ATP2C2: variants seen among roughly 807,000 people sequenced by gnomAD.
ATP2C2 encodes calcium-transporting ATPase type 2C member 2.
In ATP2C2, 171 loss-of-function variants were observed where a neutral mutation model predicts 110.8. The ratio of observed to expected loss-of-function variants is 1.54; its 90% CI spans 1.36 to 1.75. The LOEUF (loss-of-function observed/expected upper bound fraction) is 1.75. Ranked by LOEUF, ATP2C2 falls within the 40% of genes most tolerant of loss-of-function variation. The pLI, the probability that ATP2C2 is intolerant of heterozygous loss-of-function variation, is 0.00. For missense variants in ATP2C2, 1,963 were observed against 1,235.0 expected (o/e 1.59, Z -8.84); for synonymous variants, 804 against 508.4 (o/e 1.58, Z -7.82).
intron 1 of ATP2C2, among the ~76,000 whole-genome samples, chr16:84,378,564 T>A (rs1362440996): frequency 1.3e-5 from 2 of 152,088 alleles, no homozygotes; most frequent in African/African-American, 4.8e-5. Flanking sequence ...AAAGAGTAAG[T>A]GAGGGAAGGT....
At chr16:84,435,302 C>T (rs75558670) in intron 11 of ATP2C2, among the ~76,000 whole-genome samples, 3 of 152,058 alleles carry the variant, frequency 2.0e-5, no homozygotes, top group Non-Finnish European at 1.5e-5. Context: ...TGAGCTCTGC[C>T]CAAAATAATG....
intron 20 of ATP2C2, 106 bp from the exon 21 acceptor site, chr16:84,454,712 G>T (rs1243380647): frequency 8.3e-7 from 1 of 1,207,352 alleles, no homozygotes; most frequent in Non-Finnish European, 1.1e-6. Flanking sequence ...CGAATTCCGG[G>T]TGCCCTCCAG....
intron 13 of ATP2C2, among the ~76,000 whole-genome samples, chr16:84,439,966 C>G (rs1209630353): frequency 6.6e-6 from 1 of 152,194 alleles, no homozygotes; most frequent in Non-Finnish European, 1.5e-5. Flanking sequence ...TCCCAAGTAG[C>G]TGGGACTACA....
chr16:84,450,736 G>C (rs1237540424), intron 17 of ATP2C2, among the ~76,000 whole-genome samples: 2 of 152,110 alleles, frequency 1.3e-5, no homozygotes, highest in Non-Finnish European at 2.9e-5. Flanking sequence ...GCTGGGCCTG[G>C]CTTCTGTGCC....
At chr16:84,410,110 G>T (rs564012428) in intron 4 of ATP2C2, among the ~76,000 whole-genome samples, 1 of 152,232 alleles carries the variant, frequency 6.6e-6, no homozygotes, top group East Asian at 1.9e-4. Flanking sequence ...TTGGGAGGCC[G>T]AGGCAGGAGA....
chr16:84,405,531 C>T (rs1360600690), intron 3 of ATP2C2, among the ~76,000 whole-genome samples: 1 of 152,166 alleles, frequency 6.6e-6, no homozygotes, highest in Non-Finnish European at 1.5e-5. Context: ...CCTCCTAATC[C>T]CGCCTTTGCA....
At chr16:84,401,738 C>T (rs147242461) in intron 2 of ATP2C2, among the ~76,000 whole-genome samples, 329 of 152,190 alleles carry the variant, frequency 2.2e-3, no homozygotes, top group African/African-American at 7.7e-3. Context: ...TAAAGCTCTG[C>T]AGTATAATTT....
chr16:84,408,765 G>A (rs776474636), intron 4 of ATP2C2, among the ~76,000 whole-genome samples: 7 of 152,004 alleles, frequency 4.6e-5, no homozygotes, highest in African/African-American at 1.5e-4. Flanking sequence ...CCGTGACCCT[G>A]GGATGAGGGG....
At chr16:84,382,428 C>A (rs1026555520) in intron 1 of ATP2C2, among the ~76,000 whole-genome samples, 1 of 152,236 alleles carries the variant, frequency 6.6e-6, no homozygotes, top group South Asian at 2.1e-4. Context: ...CTCCCCACCC[C>A]CTTTTAAGAA....
chr16:84,398,119 G>T (rs1251109088), intron 1 of ATP2C2, among the ~76,000 whole-genome samples: 1 of 151,852 alleles, frequency 6.6e-6, no homozygotes, highest in Middle Eastern at 3.4e-3. Context: ...AAAAACACAT[G>T]TGGCCGGGCG....
intron 11 of ATP2C2, among the ~76,000 whole-genome samples, chr16:84,431,826 G>C (rs1038559090): frequency 1.3e-5 from 2 of 152,178 alleles, no homozygotes; most frequent in African/African-American, 4.8e-5. Flanking sequence ...GAGATGAAAA[G>C]TGTTGGCCAC....
chr16:84,434,428 C>CA (rs1447307007), intron 11 of ATP2C2, among the ~76,000 whole-genome samples: 1 of 150,792 alleles, frequency 6.6e-6, no homozygotes, highest in Admixed American at 6.6e-5. Flanking sequence ...AAACAAAAAA[C>CA]AAACAAACAA....
rs367833992 is a variant in ATP2C2, at chr16:84,386,442, A to G, written c.100-12057A>G. Among the ~76,000 whole-genome samples, 152 of 152,136 alleles carry G rather than the reference A, an allele frequency of 1.0e-3. 1 individual carries two copies. Among genetic ancestry groups the G allele is most frequent in the African/African-American group, 3.3e-3 (139 of 41,508 alleles). ...CATTAGCATATTTCCTTACTGCACA[A>G]TTTCCCTGTATGTAACCCATCTCCT... is the stretch of plus-strand genomic sequence containing the variant. On this transcript the variant is annotated intron_variant, in intron 1 of 26. Transcript: ENST00000262429.
At chr16:84,412,769 C>T (rs1285496787) in intron 6 of ATP2C2, among the ~76,000 whole-genome samples, 2 of 151,880 alleles carry the variant, frequency 1.3e-5, no homozygotes, top group African/African-American at 2.4e-5. Flanking sequence ...CTGTCTTTCC[C>T]GAACATACCT....
intron 15 of ATP2C2, among the ~76,000 whole-genome samples, chr16:84,443,747 C>G (rs1473566692): frequency 6.6e-6 from 1 of 152,212 alleles, no homozygotes; most frequent in South Asian, 2.1e-4. Flanking sequence ...CTGTCCCTCC[C>G]TCCAGTGCAA....
chr16:84,415,688 C>T (rs774449319), intron 7 of ATP2C2, 97 bp downstream of exon 7: 54 of 953,156 alleles, frequency 5.7e-5, no homozygotes, highest in Non-Finnish European at 8.2e-5. Context: ...CTCTCTCATA[C>T]ACACATGCTC....
intron 23 of ATP2C2, chr16:84,459,646 G>A: frequency 2.1e-6 from 3 of 1,443,214 alleles, no homozygotes; most frequent in Non-Finnish European, 2.8e-6. Flanking sequence ...TGGGCAACCT[G>A]CATGGCTCAT....
intron 7 of ATP2C2, among the ~76,000 whole-genome samples, chr16:84,416,527 AC>A: frequency 6.6e-6 from 1 of 151,988 alleles, no homozygotes; most frequent in African/African-American, 2.4e-5. Context: ...GTTGGAAGCT[AC>A]CCCCTGGGAC....
At chr16:84,435,660 T>C (rs1908670642) in intron 11 of ATP2C2, among the ~76,000 whole-genome samples, 1 of 151,772 alleles carries the variant, frequency 6.6e-6, no homozygotes, top group Non-Finnish European at 1.5e-5. Flanking sequence ...ACCTTGTCTC[T>C]ACAAATCCTT....
Sources: allele counts gnomAD v4.1 joint callset (sites outside exome capture counted in the v4.1 genomes callset), GRCh38; gene constraint gnomAD v4.1.1; transcripts MANE v1.5; gene names NCBI Gene and HGNC (gene_info 2026-07-23, HGNC 2026-07-21).